Variants in OR14L1 observed in about 807,000 individuals in gnomAD.
OR14L1 encodes olfactory receptor family 14 subfamily L member 1.
At chr1:247,621,538 G>A in the OR14L1 span, 5 of 152,194 alleles carry the variant, frequency 3.3e-5, no homozygotes, top group East Asian at 9.7e-4. Flanking sequence ...TCATTCATTT[G>A]TGGTGACATT....
At chr1:247,620,941 A>G in the OR14L1 span, 9 of 152,210 alleles carry the variant, frequency 5.9e-5, no homozygotes, top group African/African-American at 1.4e-4. Context: ...TTACAGCAGA[A>G]CAAGATCATA....
At chr1:247,618,445 G>A in the OR14L1 span, among the ~76,000 whole-genome samples, 1 of 151,856 alleles carries the variant, frequency 6.6e-6, no homozygotes, top group African/African-American at 2.4e-5. Flanking sequence ...ATTTGATATG[G>A]GTGAAAATCC....
At chr1:247,620,555 G>T in the OR14L1 span, 1 of 152,292 alleles carries the variant, frequency 6.6e-6, no homozygotes, top group Non-Finnish European at 1.5e-5. Context: ...AGGCAGTGTG[G>T]TCCCTGAGAA....
the OR14L1 span, chr1:247,620,804 T>C: frequency 6.6e-6 from 1 of 152,232 alleles, no homozygotes; most frequent in Admixed American, 6.5e-5. Context: ...CTTGTGCTTT[T>C]ATTCATTTTT....
the OR14L1 span, among the ~76,000 whole-genome samples, chr1:247,619,130 T>C: frequency 1.3e-5 from 2 of 152,332 alleles, no homozygotes; most frequent in South Asian, 2.1e-4. Flanking sequence ...CCTCACTAAA[T>C]AGTTATGACA....
the OR14L1 span, chr1:247,620,825 G>C: frequency 6.6e-6 from 1 of 152,060 alleles, no homozygotes; most frequent in Non-Finnish European, 1.5e-5. Context: ...ATGAGTTGTA[G>C]ATCTCAAAAT....
At chr1:247,621,325 C>T in the OR14L1 span, 2 of 152,078 alleles carry the variant, frequency 1.3e-5, no homozygotes, top group African/African-American at 2.4e-5. Context: ...AAATGCATAG[C>T]ATCATTTTAT....
At chr1:247,619,574 G>A in the OR14L1 span, 22 of 152,210 alleles carry the variant, frequency 1.4e-4, no homozygotes, top group African/African-American at 5.1e-4. Flanking sequence ...TATCACTGGG[G>A]GTAGCCATAT....
the OR14L1 span, chr1:247,621,758 T>C: frequency 6.6e-6 from 1 of 152,224 alleles, no homozygotes; most frequent in Non-Finnish European, 1.5e-5. Flanking sequence ...TTTATGAGTT[T>C]GACTTTTTCA....
the OR14L1 span, among the ~76,000 whole-genome samples, chr1:247,619,084 G>A: frequency 2.0e-5 from 3 of 152,082 alleles, no homozygotes; most frequent in East Asian, 1.9e-4. Context: ...TTTACCAAAT[G>A]TCTCCTGATA....
At chr1:247,618,202 C>T in the OR14L1 span, among the ~76,000 whole-genome samples, 4 of 152,010 alleles carry the variant, frequency 2.6e-5, no homozygotes, top group South Asian at 2.1e-4. Flanking sequence ...TTTTCTTTCT[C>T]GGTTTAACTT....
chr1:247,621,507 A>G, the OR14L1 span: 5 of 152,192 alleles, frequency 3.3e-5, no homozygotes, highest in Non-Finnish European at 7.3e-5. Context: ...AGGCAATGTA[A>G]TATATCACCT....
the OR14L1 span, chr1:247,621,052 T>G: frequency 2.0e-5 from 3 of 152,186 alleles, no homozygotes; most frequent in East Asian, 5.8e-4. Context: ...TAGAGACCAG[T>G]GTTCTGGGAG....
chr1:247,621,483 G>A, the OR14L1 span: 4 of 152,208 alleles, frequency 2.6e-5, no homozygotes, highest in East Asian at 7.7e-4. Flanking sequence ...TTTGCAATGT[G>A]GAATGATTAA....
At chr1:247,618,886 T>C in the OR14L1 span, among the ~76,000 whole-genome samples, 2 of 152,174 alleles carry the variant, frequency 1.3e-5, no homozygotes, top group Non-Finnish European at 2.9e-5. Flanking sequence ...ATAAGACCAA[T>C]CTCTTTTCTC....
the OR14L1 span, chr1:247,621,941 C>A: frequency 6.6e-6 from 1 of 152,078 alleles, no homozygotes; most frequent in Admixed American, 6.6e-5. Flanking sequence ...TTTTAAAAAT[C>A]CATTTGTCCA....
chr1:247,621,368 T>A, the OR14L1 span: 1 of 152,192 alleles, frequency 6.6e-6, no homozygotes, highest in Non-Finnish European at 1.5e-5. Flanking sequence ...ATAAATAGCA[T>A]CCTACCTTAG....
the OR14L1 span, among the ~76,000 whole-genome samples, chr1:247,617,693 G>GGTGTGT: frequency 0.035 from 5,098 of 143,942 alleles, 194 homozygotes; most frequent in African/African-American, 0.09. Flanking sequence ...AGTGGTGAAA[G>GGTGTGT]GTGTGTGTGT....
At chr1:247,622,210 C>A in the OR14L1 span, 1 of 152,128 alleles carries the variant, frequency 6.6e-6, no homozygotes, top group African/African-American at 2.4e-5. Context: ...TGTGTGTCAC[C>A]TTTTAGTGAT....
Sources: allele counts gnomAD v4.1 joint callset (sites outside exome capture counted in the v4.1 genomes callset), GRCh38; gene constraint gnomAD v4.1.1; transcripts MANE v1.5; gene names NCBI Gene and HGNC (gene_info 2026-07-23, HGNC 2026-07-21).